UTY: variants seen among roughly 807,000 people sequenced by gnomAD.
The protein encoded by UTY is ubiquitously transcribed tetratricopeptide repeat containing, Y-linked.
A neutral mutation model predicts 32.5 loss-of-function variants in UTY; 12 were observed. The observed-to-expected ratio is 0.37, with a 90% CI of 0.24 to 0.60. The LOEUF (loss-of-function observed/expected upper bound fraction) is 0.60, where lower values mean the gene tolerates loss of function less well. UTY is among the 20% of genes least tolerant of loss of function. The pLI is 0.69. For synonymous variants in UTY, 131 were observed against 103.4 expected (o/e 1.27, Z -1.62); for missense variants, 303 against 299.2 (o/e 1.01, Z -0.09).
At chrY:13,476,115 A>G (rs371475052) in intron 2 of UTY, 3 of 217,794 alleles carry the variant, frequency 1.4e-5, no homozygotes. Context: ...ATATCAAAAT[A>G]TTTTCTATAA....
At chrY:13,454,229 A>C (rs2076580967) in intron 3 of UTY, among the ~76,000 whole-genome samples, 1 of 32,552 alleles carries the variant, frequency 3.1e-5, no homozygotes, top group Non-Finnish European at 7.5e-5. Flanking sequence ...ACTCCAGCCT[A>C]GGTAACAACT....
intron 4 of UTY, among the ~76,000 whole-genome samples, chrY:13,416,026 C>T: frequency 9.0e-5 from 3 of 33,479 alleles, no homozygotes; most frequent in African/African-American, 3.5e-4. Flanking sequence ...ACCTCTGCCT[C>T]CAGGGTTCAA....
intron 27 of UTY, among the ~76,000 whole-genome samples, chrY:13,268,734 T>G: frequency 3.0e-5 from 1 of 33,614 alleles, no homozygotes; most frequent in Non-Finnish European, 7.3e-5. Flanking sequence ...TTTTTGTTGA[T>G]GTTGATGCTA....
intron 4 of UTY, among the ~76,000 whole-genome samples, chrY:13,436,806 A>G: frequency 3.0e-5 from 1 of 32,877 alleles, no homozygotes; most frequent in African/African-American, 1.2e-4. Flanking sequence ...ATCAATTTCC[A>G]TATATTGATT....
At chrY:13,340,601 A>T (rs2061417705) in intron 17 of UTY, among the ~76,000 whole-genome samples, 1 of 33,080 alleles carries the variant, frequency 3.0e-5, no homozygotes, top group Admixed American at 2.7e-4. Context: ...TTCAAGAAAC[A>T]CGGGGACAAA....
intron 4 of UTY, among the ~76,000 whole-genome samples, chrY:13,443,084 G>C: frequency 6.0e-5 from 2 of 33,176 alleles, no homozygotes; most frequent in South Asian, 1.4e-3. Context: ...TCTAATAATA[G>C]TTTCTTTTAA....
chrY:13,474,961 A>G (rs2078905615), intron 2 of UTY, among the ~76,000 whole-genome samples: 1 of 34,248 alleles, frequency 2.9e-5, no homozygotes. Context: ...ATTACTTTAA[A>G]CATCTGCTAA....
At chrY:13,373,398 T>A (rs1603443663) in intron 8 of UTY, among the ~76,000 whole-genome samples, 1 of 33,638 alleles carries the variant, frequency 3.0e-5, no homozygotes, top group East Asian at 7.7e-4. Context: ...AGATTTTGTA[T>A]TACGAATGAT....
At chrY:13,476,660 G>A (rs2079096149) in intron 2 of UTY, among the ~76,000 whole-genome samples, 1 of 33,391 alleles carries the variant, frequency 3.0e-5, no homozygotes, top group African/African-American at 1.2e-4. Flanking sequence ...ATTTAAATAC[G>A]AGCAAGTTAT....
chrY:13,470,067 A>T, intron 3 of UTY, 54 bp downstream of exon 3: 17 of 269,899 alleles, frequency 6.3e-5, no homozygotes, highest in Non-Finnish European at 9.0e-5. Context: ...AAAACGTTAC[A>T]ACTATGGGGC....
At chrY:13,390,351 T>C (rs2067402996) in intron 8 of UTY, among the ~76,000 whole-genome samples, 1 of 33,335 alleles carries the variant, frequency 3.0e-5, no homozygotes, top group African/African-American at 1.2e-4. Context: ...CTTTCCATTA[T>C]CCCCAATAGA....
At chrY:13,335,205 G>A in intron 18 of UTY, among the ~76,000 whole-genome samples, 1 of 32,526 alleles carries the variant, frequency 3.1e-5, no homozygotes, top group African/African-American at 1.2e-4. Flanking sequence ...GGGGGCAAGG[G>A]GAGGCAGAGC....
Position 13,434,911 on chromosome Y carries a change from T to C in UTY, c.375+14106A>G. On this transcript the variant is annotated intron_variant, in intron 4 of 29. Coordinates refer to ENST00000545955, the MANE Select transcript of UTY (RefSeq NM_001258249.2). ...CAAAAAGATTGGACTTAAACTGGAC[T>C]TCAGGCCAAATGAACATAAAAAATT... Among the ~76,000 whole-genome samples the C allele has an allele frequency of 1.5e-4, 5 of 33,879 alleles. No homozygotes were observed. The East Asian group carries it at 3.9e-3, about 26-fold the overall frequency. 90.9% of individuals were successfully genotyped at this position (33,879 alleles called of 37,273 possible).
intron 18 of UTY, among the ~76,000 whole-genome samples, chrY:13,334,970 G>C: frequency 3.0e-5 from 1 of 33,703 alleles, no homozygotes; most frequent in Non-Finnish European, 7.4e-5. Flanking sequence ...ACTGGATAAA[G>C]AAAATGTGGC....
intron 18 of UTY, among the ~76,000 whole-genome samples, chrY:13,329,933 T>C (rs2060560262): frequency 3.0e-5 from 1 of 33,592 alleles, no homozygotes; most frequent in East Asian, 7.8e-4. Context: ...ACAAAATGTT[T>C]TCTAAAATGT....
At chrY:13,389,160 A>G in intron 8 of UTY, among the ~76,000 whole-genome samples, 3 of 32,711 alleles carry the variant, frequency 9.2e-5, no homozygotes, top group African/African-American at 3.6e-4. Context: ...ATGTCTATCC[A>G]GGTCCTTTTG....
intron 18 of UTY, among the ~76,000 whole-genome samples, chrY:13,330,924 C>A (rs759692490): frequency 3.0e-5 from 1 of 33,470 alleles, no homozygotes; most frequent in South Asian, 6.6e-4. Context: ...AGCCAAGAGG[C>A]TGGGGCCAGA....
chrY:13,389,808 G>T (rs2067322912), intron 8 of UTY, among the ~76,000 whole-genome samples: 1 of 33,838 alleles, frequency 3.0e-5, no homozygotes, highest in Admixed American at 2.7e-4. Context: ...GTTCTTCAGG[G>T]TGTCTTTTGA....
At chrY:13,294,871 A>C in intron 27 of UTY, among the ~76,000 whole-genome samples, 1 of 32,571 alleles carries the variant, frequency 3.1e-5, no homozygotes, top group Non-Finnish European at 7.5e-5. Flanking sequence ...CAGCCTGGCC[A>C]ACATAGTGAA....
Sources: gnomAD v4.1 joint callset for allele counts (sites outside exome capture counted in the v4.1 genomes callset) on GRCh38, gnomAD v4.1.1 for gene constraint, MANE v1.5 for transcripts, NCBI Gene and HGNC (gene_info 2026-07-23, HGNC 2026-07-21) for gene names.